ANXA7: variants seen among roughly 807,000 people sequenced by gnomAD.
The protein encoded by ANXA7 is annexin VII.
Under a neutral mutation model 64.9 loss-of-function variants are expected in ANXA7, and 55 were observed. The ratio of observed to expected loss-of-function variants is 0.85; its 90% confidence interval spans 0.68 to 1.06. The LOEUF (loss-of-function observed/expected upper bound fraction) is 1.06, where lower values mean the gene tolerates loss of function less well. Ranked by LOEUF, ANXA7 falls within the 50% of genes least tolerant of loss-of-function variation. The pLI, the probability that ANXA7 is intolerant of heterozygous loss-of-function variation, is 0.00. For synonymous variants in ANXA7, 200 were observed against 192.4 expected (o/e 1.04, Z -0.33); for missense variants, 548 against 582.1 (o/e 0.94, Z 0.60).
At chr10:73,377,773 G>GGGGTGTGTGTGTGTGTGTGT (rs1554815379) in intron 12 of ANXA7, among the ~76,000 whole-genome samples, 55 of 124,848 alleles carry the variant, frequency 4.4e-4, no homozygotes, top group Middle Eastern at 7.5e-3. Context: ...GGTGGGTGTG[G>GGGGTGTGTGTGTGTGTGTGT]GTGTGTGTGT....
chr10:73,394,468 C>T (rs1261482876), intron 5 of ANXA7, among the ~76,000 whole-genome samples: 2 of 152,142 alleles, frequency 1.3e-5, no homozygotes, highest in African/African-American at 4.8e-5. Context: ...ACCCAAATGT[C>T]CATCAATGAT....
At chr10:73,405,232 TACTGTCTCAAAAAAAAAAAAA>T (rs1482626499) in intron 1 of ANXA7, among the ~76,000 whole-genome samples, 2 of 107,186 alleles carry the variant, frequency 1.9e-5, no homozygotes, top group Admixed American at 2.0e-4. Flanking sequence ...CACAGAGCAA[TACTGTCTCAAAAAAAAAAAAA>T]AAAGGCTGGG....
intron 7 of ANXA7, among the ~76,000 whole-genome samples, 160 bp downstream of exon 7, chr10:73,387,529 C>CA (rs2055394976): frequency 6.6e-6 from 1 of 152,048 alleles, no homozygotes; most frequent in Non-Finnish European, 1.5e-5. Flanking sequence ...CAAAACAAAA[C>CA]AAAAAACAGA....
intron 2 of ANXA7, among the ~76,000 whole-genome samples, chr10:73,400,087 G>A (rs1346632435): frequency 6.6e-6 from 1 of 151,982 alleles, no homozygotes; most frequent in Non-Finnish European, 1.5e-5. Context: ...AAGTTGCAGT[G>A]AGCTGAGATC....
At chr10:73,400,902 T>C (rs1043281927) in intron 1 of ANXA7, 45 bp from the exon 2 acceptor site, 3 of 1,483,806 alleles carry the variant, frequency 2.0e-6, no homozygotes, top group Non-Finnish European at 2.8e-6. Flanking sequence ...TTTTGTTGTT[T>C]TGTTTTGTTT....
chr10:73,383,043 T>C, intron 9 of ANXA7, 132 bp downstream of exon 9: 1 of 725,310 alleles, frequency 1.4e-6, no homozygotes, highest in South Asian at 2.8e-5. Flanking sequence ...CACTGGTTTC[T>C]GTGTTGTCCC....
intron 1 of ANXA7, chr10:73,408,263 T>G (rs1233607895): frequency 3.3e-5 from 5 of 150,562 alleles, no homozygotes; most frequent in Non-Finnish European, 7.4e-5. Context: ...AAGGCGGCAG[T>G]GAGTCGTGTT....
At chr10:73,396,358 C>G (rs925332941) in intron 5 of ANXA7, among the ~76,000 whole-genome samples, 161 bp downstream of exon 5, 4 of 152,166 alleles carry the variant, frequency 2.6e-5, no homozygotes, top group Non-Finnish European at 5.9e-5. Context: ...ACTATTAAAG[C>G]AGATGGACCA....
intron 2 of ANXA7, 64 bp downstream of exon 2, chr10:73,400,739 G>GAC: frequency 7.5e-7 from 1 of 1,337,510 alleles, no homozygotes; most frequent in South Asian, 1.3e-5. Context: ...TGTAAGATCT[G>GAC]ACATGGGCCA....
intron 12 of ANXA7, 100 bp from the exon 13 acceptor site, chr10:73,376,317 TGGG>T (rs1039602255): frequency 1.6e-5 from 19 of 1,197,684 alleles, no homozygotes; most frequent in Non-Finnish European, 1.8e-5. Flanking sequence ...AATCAAAACT[TGGG>T]GGGGAAAACA....
At chr10:73,387,832 C>T in intron 6 of ANXA7, 49 bp from the exon 7 acceptor site, 3 of 992,628 alleles carry the variant, frequency 3.0e-6, no homozygotes, top group Non-Finnish European at 3.1e-6. Flanking sequence ...ATGCTAGGTG[C>T]TGCTTGAGGT....
chr10:73,398,885 G>T (rs1411217938), intron 2 of ANXA7, among the ~76,000 whole-genome samples: 1 of 152,158 alleles, frequency 6.6e-6, no homozygotes, highest in Admixed American at 6.5e-5. Context: ...GCAGCAATAT[G>T]CAGAGTGGCA....
chr10:73,395,830 G>T, intron 5 of ANXA7: 4 of 623,086 alleles, frequency 6.4e-6, no homozygotes, highest in East Asian at 3.2e-5. Context: ...GCAAATATTT[G>T]ACATATAGGA....
chr10:73,399,626 T>A (rs1452390822), intron 2 of ANXA7, among the ~76,000 whole-genome samples: 1 of 149,976 alleles, frequency 6.7e-6, no homozygotes, highest in African/African-American at 2.5e-5. Flanking sequence ...ATTGAGGCCA[T>A]CCTGGCCAAC....
At chr10:73,388,261 A>G (rs2055410280) in intron 6 of ANXA7, 51 bp downstream of exon 6, 3 of 1,355,786 alleles carry the variant, frequency 2.2e-6, no homozygotes, top group Non-Finnish European at 3.2e-6. Flanking sequence ...TTTTTACTTT[A>G]GAACTGATTA....
At chr10:73,384,128 A>AAAT (rs564675192) in intron 7 of ANXA7, among the ~76,000 whole-genome samples, 442 of 152,148 alleles carry the variant, frequency 2.9e-3, no homozygotes, top group African/African-American at 9.5e-3. Context: ...CTCAAAAAAA[A>AAAT]AAATAAATAA....
chr10:73,384,677 A>G (rs556632514), intron 7 of ANXA7, among the ~76,000 whole-genome samples: 1 of 152,208 alleles, frequency 6.6e-6, no homozygotes, highest in African/African-American at 2.4e-5. Context: ...CTGGCATTAC[A>G]CACATGAACC....
chr10:73,408,796 G>A (rs528528451), intron 1 of ANXA7, among the ~76,000 whole-genome samples: 1 of 152,280 alleles, frequency 6.6e-6, no homozygotes, highest in East Asian at 1.9e-4. Flanking sequence ...TTTGTAATAG[G>A]AAAAGGTTAA....
Position 73,388,431 on chromosome 10 carries a change from T to C in ANXA7, c.436-17A>G, listed in dbSNP as rs1212259372. The C allele has an allele frequency of 6.3e-7, 1 of 1,586,334 alleles. No homozygotes were observed. Among genetic ancestry groups the C allele is most frequent in the African/African-American group, 1.3e-5 (1 of 74,412 alleles). On this transcript the variant is annotated splice_polypyrimidine_tract_variant and intron_variant, in intron 5 of 12. Transcript: ENST00000372921. The stretch of plus-strand genomic sequence containing the variant: ...TGTGGCAGGCTGAAAATAAAAGGCA[T>C]AAAATCCGTGTCAGCATTTCCAGTA...
Sources: allele counts gnomAD v4.1 joint callset (sites outside exome capture counted in the v4.1 genomes callset), GRCh38; gene constraint gnomAD v4.1.1; transcripts MANE v1.5; gene names NCBI Gene and HGNC (gene_info 2026-07-23, HGNC 2026-07-21).